GRXCR1: variants seen among roughly 807,000 people sequenced by gnomAD.
GRXCR1 encodes the protein glutaredoxin domain-containing cysteine-rich protein 1.
GRXCR1 carries 27 observed loss-of-function variants against 27.3 expected under a neutral mutation model. The ratio of observed to expected loss-of-function variants is 0.99; its 90% CI spans 0.73 to 1.37. The LOEUF (loss-of-function observed/expected upper bound fraction) is 1.37, where lower values mean the gene tolerates loss of function less well. GRXCR1 is among the 40% of genes most tolerant of loss of function. The pLI is 0.00. For synonymous variants in GRXCR1, 122 were observed against 131.1 expected (o/e 0.93, Z 0.47); for missense variants, 379 against 354.4 (o/e 1.07, Z -0.56).
At chr4:42,921,555 T>G (rs929003558) in intron 1 of GRXCR1, among the ~76,000 whole-genome samples, 4 of 152,128 alleles carry the variant, frequency 2.6e-5, no homozygotes, top group Non-Finnish European at 5.9e-5. Context: ...CCGTGTACTA[T>G]GTATATATAG....
chr4:43,023,106 G>C (rs1713144227), intron 3 of GRXCR1, among the ~76,000 whole-genome samples: 2 of 152,172 alleles, frequency 1.3e-5, no homozygotes, highest in African/African-American at 4.8e-5. Flanking sequence ...AGGTATCTAG[G>C]AAATCTGACT....
intron 1 of GRXCR1, among the ~76,000 whole-genome samples, chr4:42,957,675 A>G (rs1307706909): frequency 1.3e-5 from 2 of 151,468 alleles, no homozygotes; most frequent in Non-Finnish European, 2.9e-5. Context: ...CTTCAAGTTC[A>G]CTAATTCCTT....
intron 3 of GRXCR1, among the ~76,000 whole-genome samples, chr4:43,023,747 T>C (rs1024076615): frequency 1.3e-5 from 2 of 152,186 alleles, no homozygotes; most frequent in African/African-American, 2.4e-5. Flanking sequence ...CATAAATATT[T>C]TCTGAGGGAA....
rs565911362 is a variant in GRXCR1 at position 43,008,352 on chromosome 4, A to C, written c.628-12002A>C. Among the ~76,000 whole-genome samples the C allele has an allele frequency of 1.6e-4, 25 of 152,214 alleles. 1 individual carries two copies. Among genetic ancestry groups the C allele is most frequent in the African/African-American group, 5.8e-4 (24 of 41,546 alleles). ...TATGTCTTTTAACAAACAACCTGTA[A>C]TTTGCTCCTGTGTTTCATGAGAAGG... On this transcript the variant is annotated intron_variant, in intron 2 of 3. Transcript: ENST00000399770.
intron 2 of GRXCR1, among the ~76,000 whole-genome samples, chr4:42,990,413 G>C (rs1577935055): frequency 6.6e-6 from 1 of 151,022 alleles, no homozygotes; most frequent in Non-Finnish European, 1.5e-5. Context: ...GGATGGTCTC[G>C]ATCTCCTGAC....
chr4:42,967,016 T>A (rs188962602), intron 2 of GRXCR1, among the ~76,000 whole-genome samples: 1 of 152,094 alleles, frequency 6.6e-6, no homozygotes, highest in South Asian at 2.1e-4. Context: ...CTTGACAATG[T>A]CTCTTAAGAG....
At chr4:42,986,028 T>C (rs539282959) in intron 2 of GRXCR1, among the ~76,000 whole-genome samples, 1 of 152,340 alleles carries the variant, frequency 6.6e-6, no homozygotes, top group Admixed American at 6.5e-5. Flanking sequence ...GATTTGAGAA[T>C]GTAAATAGCT....
chr4:43,004,559 C>CA (rs896388557), intron 2 of GRXCR1, among the ~76,000 whole-genome samples: 11 of 152,206 alleles, frequency 7.2e-5, no homozygotes, highest in Non-Finnish European at 1.0e-4. Flanking sequence ...TGCAGAGTGA[C>CA]AGGGGTGGAA....
chr4:42,994,777 A>G (rs1712091595), intron 2 of GRXCR1, among the ~76,000 whole-genome samples: 1 of 152,164 alleles, frequency 6.6e-6, no homozygotes, highest in Non-Finnish European at 1.5e-5. Flanking sequence ...GCATTGGAGA[A>G]GAGGACATGA....
chr4:42,981,885 GATTAT>G (rs1344139903), intron 2 of GRXCR1, among the ~76,000 whole-genome samples: 1 of 151,938 alleles, frequency 6.6e-6, no homozygotes, highest in Non-Finnish European at 1.5e-5. Flanking sequence ...TTGACAGTTT[GATTAT>G]ATTATGTTTT....
chr4:42,949,972 C>T lies in GRXCR1; in HGVS notation c.385-12920C>T, dbSNP rs533263080. Among the ~76,000 whole-genome samples, 5 of 152,294 alleles carry T rather than the reference C, an allele frequency of 3.3e-5. No homozygotes were observed. In the South Asian group the frequency reaches 1.0e-3, roughly 32 times the overall value. ...GAAAGAATCAGGCTGAGACGAAGTA[C>T]AGGTATTTCAACCCGTAAAGTAGAT... is the stretch of plus-strand genomic sequence containing the variant. On this transcript the variant is annotated intron_variant, in intron 1 of 3. Transcript: ENST00000399770.
At chr4:42,940,415 AACTG>A (rs1320868447) in intron 1 of GRXCR1, among the ~76,000 whole-genome samples, 1 of 152,066 alleles carries the variant, frequency 6.6e-6, no homozygotes, top group Admixed American at 6.6e-5. Context: ...AACACCCCAA[AACTG>A]ACTAATTTTC....
At chr4:43,018,632 C>T (rs555782381) in intron 2 of GRXCR1, among the ~76,000 whole-genome samples, 4 of 152,228 alleles carry the variant, frequency 2.6e-5, no homozygotes, top group African/African-American at 9.6e-5. Flanking sequence ...TTTTCTGGTA[C>T]ATTCATTTTG....
chr4:42,984,918 G>A (rs1039286976), intron 2 of GRXCR1, among the ~76,000 whole-genome samples: 1 of 152,162 alleles, frequency 6.6e-6, no homozygotes, highest in African/African-American at 2.4e-5. Flanking sequence ...TACCAGCCTG[G>A]AGTCTGAGGC....
At chr4:43,001,153 T>C (rs1368589122) in intron 2 of GRXCR1, among the ~76,000 whole-genome samples, 1 of 151,996 alleles carries the variant, frequency 6.6e-6, no homozygotes, top group Non-Finnish European at 1.5e-5. Context: ...TTCTATCTTT[T>C]AAAGACGATA....
intron 2 of GRXCR1, among the ~76,000 whole-genome samples, chr4:42,998,344 C>T (rs1232059021): frequency 6.6e-6 from 1 of 152,202 alleles, no homozygotes; most frequent in Non-Finnish European, 1.5e-5. Context: ...TACACCAAAA[C>T]TTCTAATCTA....
chr4:42,982,530 C>T (rs1748700661), intron 2 of GRXCR1, among the ~76,000 whole-genome samples: 1 of 118,038 alleles, frequency 8.5e-6, no homozygotes, highest in South Asian at 3.4e-4. Context: ...GTGCATGTGT[C>T]TTTATAGCAG....
chr4:42,944,833 T>C (rs1747705098), intron 1 of GRXCR1, among the ~76,000 whole-genome samples: 1 of 152,128 alleles, frequency 6.6e-6, no homozygotes, highest in Non-Finnish European at 1.5e-5. Flanking sequence ...AAAAGGCTGT[T>C]TTGGGAAAGG....
At chr4:42,967,732 T>G (rs1247437222) in intron 2 of GRXCR1, among the ~76,000 whole-genome samples, 2 of 152,166 alleles carry the variant, frequency 1.3e-5, no homozygotes, top group Non-Finnish European at 2.9e-5. Context: ...TACCTATACA[T>G]ATTCTTCAGC....
Sources: gnomAD v4.1 joint callset for allele counts (sites outside exome capture counted in the v4.1 genomes callset) on GRCh38, gnomAD v4.1.1 for gene constraint, MANE v1.5 for transcripts, NCBI Gene and HGNC (gene_info 2026-07-23, HGNC 2026-07-21) for gene names.